UIMC1: variants seen among roughly 807,000 people sequenced by gnomAD.
UIMC1 encodes the protein BRCA1-A complex subunit RAP80.
Under a neutral mutation model 84.9 loss-of-function variants are expected in UIMC1, and 42 were observed. The observed-to-expected ratio is 0.49, with a 90% CI of 0.39 to 0.64. UIMC1 has a LOEUF of 0.64. UIMC1 is among the 30% of genes least tolerant of loss of function. The probability of loss-of-function intolerance (pLI) is 0.00; values close to 1 mark genes in which losing one functional copy is unlikely to be tolerated. For missense variants in UIMC1, 825 were observed against 847.6 expected (o/e 0.97, Z 0.33); for synonymous variants, 281 against 293.0 (o/e 0.96, Z 0.42).
At chr5:176,927,068 A>G (rs1762461856) in intron 10 of UIMC1, among the ~76,000 whole-genome samples, 1 of 152,174 alleles carries the variant, frequency 6.6e-6, no homozygotes, top group Admixed American at 6.5e-5. Flanking sequence ...TGTTATTATA[A>G]AGACCAGTAG....
intron 6 of UIMC1, among the ~76,000 whole-genome samples, chr5:176,959,006 T>C (rs976964689): frequency 6.6e-6 from 1 of 152,234 alleles, no homozygotes; most frequent in Non-Finnish European, 1.5e-5. Context: ...ATGAATAACC[T>C]AAACAAGTTA....
At chr5:176,915,241 C>CTTTTT (rs34866468) in intron 10 of UIMC1, among the ~76,000 whole-genome samples, 2 of 139,252 alleles carry the variant, frequency 1.4e-5, no homozygotes, top group African/African-American at 2.7e-5. Context: ...TATTTTGTTT[C>CTTTTT]TTTTTTTTTT....
At chr5:176,981,040 C>G (rs78959383) in intron 2 of UIMC1, among the ~76,000 whole-genome samples, 4,027 of 152,186 alleles carry the variant, frequency 0.026, 82 homozygotes, top group South Asian at 0.097. Context: ...CAGGGATGTA[C>G]CTACCCCTTG....
rs1411829600 is a variant in UIMC1 at position 176,968,609 on chromosome 5, T to C, written c.1146A>G (p.Lys382=). The change falls in exon 6 of 15, where the codon AAA becomes AAG. Residue 382 remains lysine (K), a synonymous_variant. Transcript: ENST00000511320. The part of the protein sequence containing the change: ...KTKDFQESSI[K]SLKEKLLLEE... The stretch of plus-strand genomic sequence containing the variant: ...CCAACAAAAGTTTCTCTTTCAAGCT[T>C]TTAATTGAGCTTTCCTGGAAATCCT... 1.2e-6 allele frequency: 2 copies of C among 1,613,570 alleles called. No homozygotes were observed. Among genetic ancestry groups the C allele is most frequent in the South Asian group, 2.2e-5 (2 of 91,012 alleles).
chr5:176,976,312 T>G lies in UIMC1; in HGVS notation c.148-832A>C, dbSNP rs191169959. ...CCTGGGAGACAAAGCAACATCCTCA[T>G]CTCTAAAAATAAATAAATAAAAATA... is the stretch of plus-strand genomic sequence containing the variant. On this transcript the variant is annotated intron_variant, in intron 2 of 14. Coordinates refer to ENST00000511320, the MANE Select transcript of UIMC1 (RefSeq NM_001199298.2). 3.9e-5 allele frequency among the ~76,000 whole-genome samples: 6 copies of G among 152,016 alleles called. 1 individual carries two copies. Among genetic ancestry groups the G allele is most frequent in the Admixed American group, 3.9e-4 (6 of 15,246 alleles).
At chr5:176,953,238 T>G (rs568938749) in intron 8 of UIMC1, among the ~76,000 whole-genome samples, 33 of 152,234 alleles carry the variant, frequency 2.2e-4, no homozygotes, top group African/African-American at 7.5e-4. Context: ...TCTAGAGCAT[T>G]TTGTTACAGG....
chr5:176,943,625 T>G, intron 9 of UIMC1, 137 bp from the exon 10 acceptor site: 1 of 1,095,922 alleles, frequency 9.1e-7, no homozygotes, highest in Non-Finnish European at 1.3e-6. Context: ...GGAGTAAAGA[T>G]TGAGAGATAC....
chr5:176,912,473 T>TG lies in UIMC1; in HGVS notation c.1598-1085dup, dbSNP rs1491313594. On this transcript the variant is annotated intron_variant, in intron 10 of 14. Transcript: ENST00000511320. ...TAATGATACAGTCTTGACTGTTTTTTGTTTTTTTTTTTTTTTGAGACATAG... is the reference window on the plus strand; with the variant it reads ...TAATGATACAGTCTTGACTGTTTTTTGGTTTTTTTTTTTTTTTGAGACATAG... 8.2e-4 allele frequency among the ~76,000 whole-genome samples: 58 copies of TG among 70,596 alleles called. No individual in the cohort carries two copies. In the Admixed American group the frequency reaches 0.011, roughly 14 times the overall value. The allele number at this position is 70,596 out of a possible 152,430, so 46.3% of individuals were successfully genotyped here. A position where few individuals can be genotyped will look rare whatever the true frequency, so the allele number is the denominator to read the frequency against.
At chr5:176,945,643 C>T (rs1765000554) in intron 9 of UIMC1, among the ~76,000 whole-genome samples, 1 of 152,132 alleles carries the variant, frequency 6.6e-6, no homozygotes, top group Admixed American at 6.5e-5. Flanking sequence ...TTGTGGGGAG[C>T]CTATAAACAG....
intron 1 of UIMC1, among the ~76,000 whole-genome samples, chr5:176,992,902 T>G (rs989596462): frequency 2.6e-5 from 4 of 152,156 alleles, no homozygotes; most frequent in Non-Finnish European, 4.4e-5. Flanking sequence ...AAACAATTAT[T>G]GGGCCAGAAA....
At chr5:176,972,729 C>T (rs1156933011) in intron 3 of UIMC1, among the ~76,000 whole-genome samples, 3 of 151,908 alleles carry the variant, frequency 2.0e-5, no homozygotes, top group Non-Finnish European at 4.4e-5. Flanking sequence ...GAACAAGACT[C>T]CATCTCAAAA....
At chr5:176,943,283 T>C in intron 10 of UIMC1, 52 bp downstream of exon 10, 1 of 1,594,964 alleles carries the variant, frequency 6.3e-7, no homozygotes, top group Non-Finnish European at 8.5e-7. Context: ...TATAGGATTA[T>C]AAAACCACCA....
chr5:176,943,470 C>A lies in UIMC1; in HGVS notation c.1462G>T (p.Ala488Ser). 6.2e-7 allele frequency: 1 copy of A among 1,613,978 alleles called. No homozygotes were observed. The highest frequency in any genetic ancestry group is 8.5e-7 in the Non-Finnish European group (1 of 1,179,902). ...ADKEVGNKED[A>S]EKEVAISTFS... ...GTAGAAATAGCTACTTCCTTCTCAG[C>A]ATCTTCCTTGTTACCAACCTGAAGA... The change falls in exon 10 of 15, where the codon GCT (alanine) becomes TCT (serine). Residue 488 changes from alanine to serine, a missense_variant. Ala to Ser is a moderately conservative substitution (Grantham distance 99). Coordinates refer to ENST00000511320, the MANE Select transcript of UIMC1 (RefSeq NM_001199298.2).
intron 10 of UIMC1, among the ~76,000 whole-genome samples, chr5:176,933,344 T>C (rs1419811623): frequency 6.6e-6 from 1 of 152,152 alleles, no homozygotes. Flanking sequence ...TGAAGTACAA[T>C]GAAATGCCAT....
intron 3 of UIMC1, 55 bp from the exon 4 acceptor site, chr5:176,970,921 T>A: frequency 6.3e-7 from 1 of 1,586,884 alleles, no homozygotes; most frequent in Non-Finnish European, 8.6e-7. Context: ...TGAATAATCA[T>A]GGAGGCAAGA....
At chr5:176,952,148 C>T (rs1765966082) in intron 8 of UIMC1, among the ~76,000 whole-genome samples, 2 of 152,208 alleles carry the variant, frequency 1.3e-5, no homozygotes, top group South Asian at 2.1e-4. Flanking sequence ...CATTGACCAA[C>T]TGATCAACTG....
At chr5:177,014,443 T>C (rs771735323) in intron 1 of UIMC1, among the ~76,000 whole-genome samples, 22 of 152,170 alleles carry the variant, frequency 1.4e-4, no homozygotes, top group Non-Finnish European at 2.4e-4. Context: ...AGAGCAGACC[T>C]TTCAAAGGTC....
At chr5:177,022,099 A>T (rs1352428465) in intron 1 of UIMC1, among the ~76,000 whole-genome samples, 1 of 152,166 alleles carries the variant, frequency 6.6e-6, no homozygotes, top group Non-Finnish European at 1.5e-5. Context: ...CCTAGGCAAG[A>T]GATGGTGGCT....
At chr5:176,995,783 C>T (rs1300901553) in intron 1 of UIMC1, among the ~76,000 whole-genome samples, 8 of 133,518 alleles carry the variant, frequency 6.0e-5, no homozygotes, top group Non-Finnish European at 1.1e-4. Flanking sequence ...GCAGAGGTTG[C>T]GGTGAGCCGA....
Sources: allele counts gnomAD v4.1 joint callset (sites outside exome capture counted in the v4.1 genomes callset), GRCh38; gene constraint gnomAD v4.1.1; transcripts MANE v1.5; gene names NCBI Gene and HGNC (gene_info 2026-07-23, HGNC 2026-07-21).